Variants in MARCHF1 observed in about 807,000 individuals in gnomAD.
The protein encoded by MARCHF1 is E3 ubiquitin-protein ligase MARCHF1.
Under a neutral mutation model 54.2 loss-of-function variants are expected in MARCHF1, and 40 were observed. That is an observed-to-expected ratio of 0.74 (90% CI 0.57 to 0.96). The LOEUF (loss-of-function observed/expected upper bound fraction) is 0.96. Ranked by LOEUF, MARCHF1 falls within the 40% of genes least tolerant of loss-of-function variation. MARCHF1 has a pLI of 0.00. For missense variants in MARCHF1, 586 were observed against 656.5 expected, an observed-to-expected ratio of 0.89 and a Z score of 1.17; for synonymous variants, 236 against 236.3, an observed-to-expected ratio of 1.00 and a Z score of 0.01.
chr4:164,102,424 A>T (rs1203536616), intron 2 of MARCHF1, among the ~76,000 whole-genome samples: 2 of 128,590 alleles, frequency 1.6e-5, no homozygotes, highest in East Asian at 4.2e-4. Flanking sequence ...TCTCGGCAGA[A>T]ACCCTACAAG....
intron 5 of MARCHF1, among the ~76,000 whole-genome samples, chr4:163,679,995 T>C (rs1744051963): frequency 1.6e-5 from 2 of 127,024 alleles, no homozygotes; most frequent in Admixed American, 1.6e-4. Context: ...TTTTTTTTTT[T>C]CTTTTCTAAA....
At chr4:164,151,399 G>A (rs1729933342) in intron 1 of MARCHF1, among the ~76,000 whole-genome samples, 1 of 152,126 alleles carries the variant, frequency 6.6e-6, no homozygotes, top group Admixed American at 6.5e-5. Flanking sequence ...TTTGTTCTCA[G>A]ACAGAACTTT....
intron 1 of MARCHF1, among the ~76,000 whole-genome samples, chr4:164,338,998 A>G (rs1288402435): frequency 6.6e-6 from 1 of 152,110 alleles, no homozygotes; most frequent in African/African-American, 2.4e-5. Flanking sequence ...ATAAAATAAA[A>G]TAAGTAAATT....
At chr4:164,197,822 G>A (rs1040655463) in intron 1 of MARCHF1, 18 of 1,520,848 alleles carry the variant, frequency 1.2e-5, no homozygotes, top group South Asian at 1.0e-4. Context: ...AGCTCCGCTC[G>A]GTTCTCGAGC....
rs191888612 is a variant in MARCHF1 at position 164,115,755 on chromosome 4, A to G, written c.-322-4093T>C. 8.5e-5 allele frequency among the ~76,000 whole-genome samples: 13 copies of G among 152,200 alleles called. No individual in the cohort carries two copies. The East Asian group carries it at 2.5e-3, about 29-fold the overall frequency. ...CAAATGTTTCAATACCTTAAAATAA[A>G]TATTTCTGAGAAAATTTTCCAGGAG... On this transcript the variant is annotated intron_variant, in intron 1 of 9. Transcript: ENST00000514618.
chr4:164,354,469 C>G lies in MARCHF1; in HGVS notation c.-323+29401G>C, dbSNP rs971735626. Among the ~76,000 whole-genome samples the G allele has an allele frequency of 4.6e-5, 6 of 131,422 alleles. 1 individual carries two copies. Among genetic ancestry groups the G allele is most frequent in the African/African-American group, 1.7e-4 (6 of 35,122 alleles). 86.2% of individuals were successfully genotyped at this position (131,422 alleles called of 152,430 possible). On this transcript the variant is annotated intron_variant, in intron 1 of 9. Coordinates refer to ENST00000514618, the MANE Select transcript of MARCHF1 (RefSeq NM_001394959.1). ...CAAGGCTGGTTCAATATACGCAAAT[C>G]AACAAATGTAATCCAGCATATAAAC... is the stretch of plus-strand genomic sequence containing the variant.
chr4:164,053,685 T>TA (rs1211112787), intron 2 of MARCHF1, among the ~76,000 whole-genome samples: 1 of 152,222 alleles, frequency 6.6e-6, no homozygotes, highest in African/African-American at 2.4e-5. Context: ...CTCCCAAAGA[T>TA]AAAAATGATT....
chr4:163,657,119 TG>T (rs1743175950), intron 5 of MARCHF1, among the ~76,000 whole-genome samples: 1 of 152,126 alleles, frequency 6.6e-6, no homozygotes, highest in Admixed American at 6.6e-5. Context: ...GAGCTCAAGT[TG>T]TCTTTGTTTG....
intron 5 of MARCHF1, among the ~76,000 whole-genome samples, chr4:163,656,201 TA>T (rs1238280732): frequency 4.1e-5 from 6 of 146,836 alleles, no homozygotes; most frequent in Non-Finnish European, 9.0e-5. Flanking sequence ...CAAACAGACA[TA>T]ATAAAAAATG....
At chr4:164,176,939 G>GCACTCT (rs1491410602) in intron 1 of MARCHF1, among the ~76,000 whole-genome samples, 5 of 53,614 alleles carry the variant, frequency 9.3e-5, no homozygotes, top group African/African-American at 3.1e-4. Flanking sequence ...AGTACCTTGT[G>GCACTCT]CGCTCTCTCT....
chr4:164,168,250 G>A (rs1015547457), intron 1 of MARCHF1, among the ~76,000 whole-genome samples: 2 of 149,588 alleles, frequency 1.3e-5, no homozygotes, highest in Admixed American at 6.7e-5. Context: ...AAGAACAGCT[G>A]TTATAAAAAA....
chr4:163,556,242 T>C lies in MARCHF1; in HGVS notation c.1192-10499A>G, dbSNP rs138018584. On this transcript the variant is annotated intron_variant, in intron 8 of 9. Transcript: ENST00000514618. ...CCAATTGTGGAATTTTGTGTAGTTG[T>C]TAAAATAGGGAACTGTGTAATTTTC... is the stretch of plus-strand genomic sequence containing the variant. 2.7e-3 allele frequency among the ~76,000 whole-genome samples: 407 copies of C among 152,342 alleles called. 2 individuals carry two copies. The highest frequency in any genetic ancestry group is 9.5e-3 in the African/African-American group (396 of 41,582).
intron 1 of MARCHF1, among the ~76,000 whole-genome samples, chr4:164,371,185 C>T (rs1335254239): frequency 6.6e-6 from 1 of 152,060 alleles, no homozygotes; most frequent in Non-Finnish European, 1.5e-5. Context: ...AAACTAAACT[C>T]GAACAATTGG....
chr4:164,137,067 C>T (rs1489847063), intron 1 of MARCHF1, among the ~76,000 whole-genome samples: 1 of 152,116 alleles, frequency 6.6e-6, no homozygotes, highest in African/African-American at 2.4e-5. Flanking sequence ...TTGTTCATAT[C>T]TAAAGGGAAA....
intron 3 of MARCHF1, among the ~76,000 whole-genome samples, chr4:163,872,928 C>T (rs1306199328): frequency 1.3e-5 from 2 of 152,018 alleles, no homozygotes; most frequent in African/African-American, 2.4e-5. Context: ...CCTGTAGTCC[C>T]AGCTACTCGG....
At chr4:163,996,561 T>G (rs564008071) in intron 2 of MARCHF1, among the ~76,000 whole-genome samples, 1 of 152,052 alleles carries the variant, frequency 6.6e-6, no homozygotes, top group African/African-American at 2.4e-5. Context: ...TTTTCATTAG[T>G]TGTTTATAGA....
rs1459571254 is a variant in MARCHF1 at position 163,892,689 on chromosome 4, G to A, written c.-38-38520C>T. ...TATTTTTAAAGAGTTATCAATTTAT[G>A]TATTTATGTTTGCCATAAGGGAGAT... On this transcript the variant is annotated intron_variant, in intron 3 of 9. Transcript: ENST00000514618. Among the ~76,000 whole-genome samples, 3 of 151,912 alleles carry A rather than the reference G, an allele frequency of 2.0e-5. No individual in the cohort carries two copies. The South Asian group carries it at 6.2e-4, about 32-fold the overall frequency.
At chr4:164,044,675 T>C (rs762830791) in intron 2 of MARCHF1, among the ~76,000 whole-genome samples, 1 of 152,124 alleles carries the variant, frequency 6.6e-6, no homozygotes, top group Non-Finnish European at 1.5e-5. Context: ...GCTTTCTATC[T>C]TTCTCTTTCT....
In MARCHF1 at chr4:163,897,828, G is replaced by A. The variant is rs769257661; in HGVS notation, c.-38-43659C>T. Among the ~76,000 whole-genome samples, 65 of 152,004 alleles carry A rather than the reference G, an allele frequency of 4.3e-4. 1 individual carries two copies. The highest frequency in any genetic ancestry group is 1.2e-3 in the African/African-American group (48 of 41,472). ...TCCCAGCACTTTGGGAGGCCGAGGC[G>A]GGTGGATCACGAGGTCAGGAGATCA... is the stretch of plus-strand genomic sequence containing the variant. On this transcript the variant is annotated intron_variant, in intron 3 of 9. Transcript: ENST00000514618.
Sources: gnomAD v4.1 joint callset for allele counts (sites outside exome capture counted in the v4.1 genomes callset) on GRCh38, gnomAD v4.1.1 for gene constraint, MANE v1.5 for transcripts, NCBI Gene and HGNC (gene_info 2026-07-23, HGNC 2026-07-21) for gene names.